Variants in KCNH7 observed in about 807,000 individuals in gnomAD.
The protein encoded by KCNH7 is potassium voltage-gated channel subfamily H member 7.
In KCNH7, 49 loss-of-function variants were observed where a neutral mutation model predicts 120.8. That is an observed-to-expected ratio of 0.41 (90% CI 0.32 to 0.51). The LOEUF (loss-of-function observed/expected upper bound fraction) is 0.51. KCNH7 is among the 20% of genes least tolerant of loss of function. The pLI is 0.38. For missense variants in KCNH7, 1,097 were observed against 1,446.6 expected (o/e 0.76, Z 3.92); for synonymous variants, 547 against 516.1 (o/e 1.06, Z -0.81).
At chr2:162,536,299 G>A (rs553403963) in intron 3 of KCNH7, among the ~76,000 whole-genome samples, 28 of 151,986 alleles carry the variant, frequency 1.8e-4, no homozygotes, top group African/African-American at 6.5e-4. Context: ...AAAAGAAATG[G>A]ATAGTTGATA....
intron 2 of KCNH7, among the ~76,000 whole-genome samples, chr2:162,651,832 T>C (rs924819935): frequency 2.4e-4 from 36 of 152,214 alleles, no homozygotes; most frequent in Non-Finnish European, 2.2e-4. Flanking sequence ...AGGGTAGAAG[T>C]GTTCCCTGTT....
At chr2:162,734,697 T>A (rs1007892903) in intron 2 of KCNH7, among the ~76,000 whole-genome samples, 3 of 101,952 alleles carry the variant, frequency 2.9e-5, no homozygotes, top group Middle Eastern at 9.3e-3. Flanking sequence ...TTGGAGAGCA[T>A]TTTTTTTTTT....
At chr2:162,494,048 G>C (rs2105724103) in intron 6 of KCNH7, among the ~76,000 whole-genome samples, 1 of 152,194 alleles carries the variant, frequency 6.6e-6, no homozygotes, top group East Asian at 1.9e-4. Context: ...ATTTGTAAAG[G>C]GTTATAAAAG....
At chr2:162,795,965 T>A (rs1684130569) in intron 2 of KCNH7, 1 of 152,038 alleles carries the variant, frequency 6.6e-6, no homozygotes, top group African/African-American at 2.4e-5. Context: ...GACCACAGTA[T>A]AAGATGTCAC....
chr2:162,440,519 A>C (rs1463326264), intron 7 of KCNH7, among the ~76,000 whole-genome samples: 1 of 152,200 alleles, frequency 6.6e-6, no homozygotes, highest in Non-Finnish European at 1.5e-5. Flanking sequence ...ATCAGAAACT[A>C]GTTTCTAGTC....
intron 2 of KCNH7, among the ~76,000 whole-genome samples, chr2:162,688,457 C>A (rs1427460228): frequency 6.6e-6 from 1 of 152,086 alleles, no homozygotes; most frequent in African/African-American, 2.4e-5. Context: ...GATTCCATAG[C>A]CTCAACAAAT....
At chr2:162,484,220 A>AACACAC (rs71960380) in intron 6 of KCNH7, among the ~76,000 whole-genome samples, 2,955 of 146,820 alleles carry the variant, frequency 0.02, 87 homozygotes, top group African/African-American at 0.066. Flanking sequence ...TGAGTCTTTC[A>AACACAC]ACACACACAC....
intron 2 of KCNH7, among the ~76,000 whole-genome samples, chr2:162,816,339 CACTG>C (rs1429756365): frequency 6.7e-6 from 1 of 149,628 alleles, no homozygotes; most frequent in Non-Finnish European, 1.5e-5. Context: ...TTCCTTTCTT[CACTG>C]ACTATGTGTT....
intron 14 of KCNH7, 140 bp downstream of exon 14, chr2:162,379,713 T>A (rs558456088): frequency 1.3e-6 from 1 of 795,164 alleles, no homozygotes; most frequent in South Asian, 1.9e-5. Context: ...TTCTGTCAAC[T>A]TCTAGTCTTA....
intron 13 of KCNH7, among the ~76,000 whole-genome samples, chr2:162,383,403 C>T (rs1163763441): frequency 6.6e-6 from 1 of 151,896 alleles, no homozygotes; most frequent in Non-Finnish European, 1.5e-5. Context: ...TTTCCACTCA[C>T]TTCATCAAGA....
rs190571785 is a variant in KCNH7 at position 162,674,947 on chromosome 2, T to C, written c.308-137867A>G. The stretch of plus-strand genomic sequence containing the variant: ...AAGCATTAATCATGAAAGAAAGTAT[T>C]GATCAATATGATTCTTATAATACAC... On this transcript the variant is annotated intron_variant, in intron 2 of 15. Coordinates refer to ENST00000332142, the MANE Select transcript of KCNH7 (RefSeq NM_033272.4). 4.0e-5 allele frequency among the ~76,000 whole-genome samples: 6 copies of C among 151,716 alleles called. No individual in the cohort carries two copies. The East Asian group carries it at 9.6e-4, about 24-fold the overall frequency.
At chr2:162,508,823 A>ATTC (rs997859600) in intron 5 of KCNH7, among the ~76,000 whole-genome samples, 2 of 151,506 alleles carry the variant, frequency 1.3e-5, no homozygotes, top group Admixed American at 6.6e-5. Flanking sequence ...GGGATTTAGG[A>ATTC]TTCTAATGAA....
intron 11 of KCNH7, among the ~76,000 whole-genome samples, chr2:162,396,497 G>T (rs2105437158): frequency 6.6e-6 from 1 of 151,850 alleles, no homozygotes; most frequent in East Asian, 1.9e-4. Context: ...GCACCTAAGG[G>T]CTTCTACAAG....
At chr2:162,596,911 C>T (rs1166309538) in intron 2 of KCNH7, among the ~76,000 whole-genome samples, 1 of 152,022 alleles carries the variant, frequency 6.6e-6, no homozygotes, top group Non-Finnish European at 1.5e-5. Flanking sequence ...ATAAACATTA[C>T]TCAAAAGAAC....
At chr2:162,428,607 G>A (rs113441221) in intron 8 of KCNH7, among the ~76,000 whole-genome samples, 2 of 151,776 alleles carry the variant, frequency 1.3e-5, no homozygotes, top group African/African-American at 2.4e-5. Flanking sequence ...TCTATAAAAC[G>A]CTGAGAGAGG....
intron 2 of KCNH7, among the ~76,000 whole-genome samples, chr2:162,609,242 C>T (rs895311818): frequency 6.6e-6 from 1 of 152,168 alleles, no homozygotes; most frequent in Non-Finnish European, 1.5e-5. Context: ...TAAAGCCCCA[C>T]AAGACTAACA....
intron 14 of KCNH7, among the ~76,000 whole-genome samples, chr2:162,374,671 A>C (rs886291638): frequency 1.3e-5 from 2 of 152,196 alleles, no homozygotes; most frequent in Non-Finnish European, 2.9e-5. Flanking sequence ...TTTTGATTTG[A>C]TAGAGAACAT....
At chr2:162,791,996 G>T (rs1236308092) in intron 2 of KCNH7, among the ~76,000 whole-genome samples, 1 of 151,590 alleles carries the variant, frequency 6.6e-6, no homozygotes, top group Non-Finnish European at 1.5e-5. Context: ...AACATGAAGG[G>T]GTGCTGAATT....
At chr2:162,478,651 T>C (rs2105672107) in intron 6 of KCNH7, among the ~76,000 whole-genome samples, 1 of 152,284 alleles carries the variant, frequency 6.6e-6, no homozygotes, top group South Asian at 2.1e-4. Context: ...TCTGAATTAA[T>C]GCAAATTCAA....
Sources: gnomAD v4.1 joint callset for allele counts (sites outside exome capture counted in the v4.1 genomes callset) on GRCh38, gnomAD v4.1.1 for gene constraint, MANE v1.5 for transcripts, NCBI Gene and HGNC (gene_info 2026-07-23, HGNC 2026-07-21) for gene names.